The following NCK2 variants were observed in gnomAD, a reference collection of about 807,000 sequenced individuals.
The protein encoded by NCK2 is NCK adaptor protein 2.
A neutral mutation model predicts 33.9 loss-of-function variants in NCK2; 16 were observed. The observed-to-expected ratio is 0.47, with a 90% CI of 0.32 to 0.72. The LOEUF (loss-of-function observed/expected upper bound fraction) is 0.72. NCK2 is among the 30% of genes least tolerant of loss of function. The pLI is 0.03. For missense variants in NCK2, 418 were observed against 537.3 expected (o/e 0.78, Z 2.19); for synonymous variants, 273 against 239.9 (o/e 1.14, Z -1.27).
At position 105,791,963 on chromosome 2, in the gene NCK2, C is replaced by T. The variant is rs145837390; in HGVS notation, c.-200-24467C>T. 2.6e-3 allele frequency among the ~76,000 whole-genome samples: 403 copies of T among 152,272 alleles called. 2 individuals are homozygous for T. Among genetic ancestry groups the T allele is most frequent in the African/African-American group, 9.3e-3 (385 of 41,550 alleles). On this transcript the variant is annotated intron_variant, in intron 1 of 4. Transcript: ENST00000233154. ...TGAGTGTGTGTTTTTTAAGCATAAT[C>T]AGAAACAAAAAGAAGAGCCTTAATG... is the stretch of plus-strand genomic sequence containing the variant.
chr2:105,862,117 C>A (rs1324370281), intron 3 of NCK2, among the ~76,000 whole-genome samples: 1 of 152,146 alleles, frequency 6.6e-6, no homozygotes, highest in Admixed American at 6.5e-5. Flanking sequence ...CAACAGCTTG[C>A]AATTTATACA....
intron 3 of NCK2, among the ~76,000 whole-genome samples, chr2:105,868,373 A>T (rs1230388465): frequency 6.6e-6 from 1 of 152,160 alleles, no homozygotes; most frequent in Non-Finnish European, 1.5e-5. Context: ...CCAGAGGGCA[A>T]CTGTTCATAA....
intron 2 of NCK2, among the ~76,000 whole-genome samples, chr2:105,853,096 A>T (rs1432647429): frequency 6.6e-6 from 1 of 152,172 alleles, no homozygotes; most frequent in Non-Finnish European, 1.5e-5. Flanking sequence ...TCCTAAAGTC[A>T]TCCCTATACA....
intron 1 of NCK2, among the ~76,000 whole-genome samples, chr2:105,774,350 T>C (rs920164931): frequency 6.6e-6 from 1 of 152,120 alleles, no homozygotes; most frequent in Admixed American, 6.5e-5. Flanking sequence ...ACCTGAGTCC[T>C]CCTCACAGTA....
chr2:105,876,143 G>A (rs1483297156), intron 3 of NCK2, among the ~76,000 whole-genome samples: 2 of 152,090 alleles, frequency 1.3e-5, no homozygotes, highest in Admixed American at 6.5e-5. Flanking sequence ...TATGATCATC[G>A]CAATATGATT....
intron 4 of NCK2, 91 bp from the exon 5 acceptor site, chr2:105,892,891 G>T: frequency 9.1e-7 from 1 of 1,094,850 alleles, no homozygotes; most frequent in Non-Finnish European, 1.3e-6. Context: ...GCAATGGGTG[G>T]TTTGGATTTA....
In NCK2 at chr2:105,881,872, C is replaced by G. The variant is rs750464687; in HGVS notation, c.771C>G (p.Asp257Glu). 2 of 1,585,408 alleles carry G rather than the reference C, an allele frequency of 1.3e-6. No individual in the cohort carries two copies. The highest frequency in any genetic ancestry group is 1.7e-5 in the Admixed American group (1 of 57,618). Reference protein sequence around the residue: ...VPKNYVVVLSDGPALHPAHAP... With the variant: ...VPKNYVVVLSEGPALHPAHAP... ...AAAACTACGTGGTGGTCCTCAGTGA[C>G]GGGCCTGCCCTGCACCCTGCGCACG... The change falls in exon 4 of 5, where the codon GAC becomes GAG. Residue 257 changes from aspartate (D) to glutamate (E), a missense_variant. Transcript: ENST00000233154.
chr2:105,751,147 G>A (rs1196846224), intron 1 of NCK2, among the ~76,000 whole-genome samples: 1 of 152,082 alleles, frequency 6.6e-6, no homozygotes, highest in Non-Finnish European at 1.5e-5. Flanking sequence ...AGTTCTTAGT[G>A]GTCATTTCCA....
chr2:105,784,571 T>G (rs987574196), intron 1 of NCK2, among the ~76,000 whole-genome samples: 1 of 152,234 alleles, frequency 6.6e-6, no homozygotes, highest in African/African-American at 2.4e-5. Flanking sequence ...GTCTTTACAA[T>G]GTAGGTGAGC....
At chr2:105,803,274 C>G (rs1333788395) in intron 1 of NCK2, among the ~76,000 whole-genome samples, 1 of 152,078 alleles carries the variant, frequency 6.6e-6, no homozygotes, top group Non-Finnish European at 1.5e-5. Context: ...TAGAAGTTAC[C>G]TAGAAAAGTT....
intron 2 of NCK2, among the ~76,000 whole-genome samples, chr2:105,822,069 C>G (rs1675761215): frequency 6.6e-6 from 1 of 151,890 alleles, no homozygotes; most frequent in African/African-American, 2.4e-5. Flanking sequence ...CTGGGAGCTC[C>G]CATTTCCTGA....
In NCK2 at chr2:105,893,227, G is replaced by T. The variant is rs373672266; in HGVS notation, c.*51G>T. 1 of 1,501,560 alleles carries T rather than the reference G, an allele frequency of 6.7e-7. No individual in the cohort carries two copies. Among genetic ancestry groups the T allele is most frequent in the South Asian group, 1.3e-5 (1 of 79,986 alleles). The allele number at this position is 1,501,560 out of a possible 1,614,324, so 93.0% of individuals were successfully genotyped here. On this transcript the variant is annotated 3_prime_UTR_variant, in exon 5 of 5. Transcript: ENST00000233154. ...CCCGGGCCCCACGGTGGAGCTGCCC[G>T]CCCGGCCTTGTGGCAGAGGCTCCTC...
chr2:105,763,697 T>C (rs1332703809), intron 1 of NCK2, among the ~76,000 whole-genome samples: 1 of 152,192 alleles, frequency 6.6e-6, no homozygotes, highest in Non-Finnish European at 1.5e-5. Flanking sequence ...ACAGTGTAAA[T>C]GACTTAAAAT....
intron 1 of NCK2, among the ~76,000 whole-genome samples, chr2:105,787,162 G>C (rs1690708382): frequency 6.6e-6 from 1 of 152,218 alleles, no homozygotes; most frequent in African/African-American, 2.4e-5. Flanking sequence ...CACTCAGCTG[G>C]ATTTCTCTTT....
At chr2:105,847,613 G>A (rs1676901898) in intron 2 of NCK2, among the ~76,000 whole-genome samples, 1 of 152,054 alleles carries the variant, frequency 6.6e-6, no homozygotes, top group Non-Finnish European at 1.5e-5. Context: ...TCCCAGGGTG[G>A]GAGAGGGGCC....
rs139895554 is a variant in NCK2, at chr2:105,863,973, G to T, written c.226+8684G>T. 4.4e-3 allele frequency among the ~76,000 whole-genome samples: 645 copies of T among 146,848 alleles called. 3 individuals are homozygous for T. Among genetic ancestry groups the T allele is most frequent in the African/African-American group, 0.014 (586 of 41,418 alleles). ...CTGAGCTGGGTTGAGACTTGGCGAGGGGGGGTGGGGTCTCACTTGAGGGAT... is the reference window on the plus strand; with the variant it reads ...CTGAGCTGGGTTGAGACTTGGCGAGTGGGGGTGGGGTCTCACTTGAGGGAT... On this transcript the variant is annotated intron_variant, in intron 3 of 4. Transcript: ENST00000233154.
intron 1 of NCK2, among the ~76,000 whole-genome samples, chr2:105,784,034 C>T (rs1315697258): frequency 6.6e-6 from 1 of 152,242 alleles, no homozygotes. Flanking sequence ...TTCTGTGGCA[C>T]CTGGTTGGCC....
At chr2:105,792,261 A>G (rs1026578037) in intron 1 of NCK2, among the ~76,000 whole-genome samples, 1 of 152,142 alleles carries the variant, frequency 6.6e-6, no homozygotes, top group Admixed American at 6.5e-5. Flanking sequence ...ATTCTTTGTA[A>G]GATGTGATTT....
chr2:105,802,432 T>G (rs1000122621), intron 1 of NCK2, among the ~76,000 whole-genome samples: 5 of 152,160 alleles, frequency 3.3e-5, no homozygotes, highest in South Asian at 4.1e-4. Context: ...AGAAAAGGGT[T>G]TATTTGGTTC....
Sources: gnomAD v4.1 joint callset for allele counts (sites outside exome capture counted in the v4.1 genomes callset) on GRCh38, gnomAD v4.1.1 for gene constraint, MANE v1.5 for transcripts, NCBI Gene and HGNC (gene_info 2026-07-23, HGNC 2026-07-21) for gene names.